The following JAM3 variants were observed in gnomAD, a reference collection of about 807,000 sequenced individuals.
The protein encoded by JAM3 is junctional adhesion molecule C.
JAM3 carries 31 observed loss-of-function variants against 39.4 expected under a neutral mutation model. The ratio of observed to expected loss-of-function variants is 0.79; its 90% CI spans 0.59 to 1.06. JAM3 has a LOEUF of 1.06. Among genes scored for constraint, JAM3 ranks in the 50% least tolerant of loss-of-function variants. The pLI is 0.00. For synonymous variants in JAM3, 182 were observed against 148.7 expected (o/e 1.22, Z -1.63); for missense variants, 455 against 391.4 (o/e 1.16, Z -1.37).
chr11:134,084,182 A>G (rs1412008092), intron 1 of JAM3, among the ~76,000 whole-genome samples: 1 of 152,174 alleles, frequency 6.6e-6, no homozygotes, highest in African/African-American at 2.4e-5. Context: ...CCTCAAATGC[A>G]GGTCATGATC....
intron 3 of JAM3, among the ~76,000 whole-genome samples, chr11:134,141,747 T>C (rs866249419): frequency 9.9e-5 from 15 of 151,964 alleles, no homozygotes; most frequent in Admixed American, 6.5e-5. Flanking sequence ...TGCTGGGGCT[T>C]GGCTGTGCCA....
At chr11:134,084,528 G>A (rs1205156364) in intron 1 of JAM3, among the ~76,000 whole-genome samples, 2 of 152,222 alleles carry the variant, frequency 1.3e-5, no homozygotes, top group Non-Finnish European at 2.9e-5. Context: ...ATTAATTCAT[G>A]TGAAGTGCTT....
At chr11:134,139,952 C>T (rs1565503601) in intron 2 of JAM3, 36 bp downstream of exon 2, 2 of 1,466,894 alleles carry the variant, frequency 1.4e-6, no homozygotes, top group East Asian at 4.5e-5. Context: ...TAATGGGCAC[C>T]ATCTACTGGA....
chr11:134,134,097 TAAAA>T (rs373410203), intron 1 of JAM3, among the ~76,000 whole-genome samples: 1 of 151,224 alleles, frequency 6.6e-6, no homozygotes, highest in Non-Finnish European at 1.5e-5. Flanking sequence ...ACACTAGAGA[TAAAA>T]AAAACTAGCA....
At chr11:134,070,306 CTTAGA>C (rs1941467274) in intron 1 of JAM3, 2 of 429,736 alleles carry the variant, frequency 4.7e-6, no homozygotes, top group Admixed American at 5.6e-5. Context: ...TTTTTCGGTT[CTTAGA>C]TTATTTTATT....
intron 1 of JAM3, among the ~76,000 whole-genome samples, chr11:134,085,256 A>G (rs1416121692): frequency 6.6e-6 from 1 of 152,216 alleles, no homozygotes; most frequent in African/African-American, 2.4e-5. Context: ...AAAACTCTGC[A>G]TGATTTGCAA....
intron 3 of JAM3, 42 bp downstream of exon 3, chr11:134,140,812 T>C (rs1168767476): frequency 1.3e-6 from 2 of 1,582,216 alleles, no homozygotes; most frequent in South Asian, 2.3e-5. Flanking sequence ...CTTTCCTCTG[T>C]CCATAGACCT....
chr11:134,087,300 A>G (rs1941761761), intron 1 of JAM3, among the ~76,000 whole-genome samples: 1 of 152,156 alleles, frequency 6.6e-6, no homozygotes, highest in Non-Finnish European at 1.5e-5. Flanking sequence ...AAATCAACAA[A>G]TAAAGTATTT....
At chr11:134,125,019 C>G (rs369563213) in intron 1 of JAM3, among the ~76,000 whole-genome samples, 1 of 152,244 alleles carries the variant, frequency 6.6e-6, no homozygotes, top group East Asian at 1.9e-4. Context: ...GCGCGACACC[C>G]GCCCGGTGGC....
intron 1 of JAM3, among the ~76,000 whole-genome samples, chr11:134,080,747 G>T (rs1941652424): frequency 6.6e-6 from 1 of 152,218 alleles, no homozygotes; most frequent in South Asian, 2.1e-4. Flanking sequence ...GGTACCAGTA[G>T]AGTGGGGCGC....
intron 1 of JAM3, among the ~76,000 whole-genome samples, chr11:134,130,841 A>G (rs1194154897): frequency 6.6e-6 from 1 of 152,162 alleles, no homozygotes; most frequent in Non-Finnish European, 1.5e-5. Context: ...TGAAGGCCTA[A>G]TGCAAGGTGC....
intron 1 of JAM3, among the ~76,000 whole-genome samples, chr11:134,118,866 C>T (rs1455980133): frequency 1.3e-5 from 2 of 152,072 alleles, no homozygotes. Context: ...ACGGTCTTTC[C>T]AGGTTAGCCG....
At chr11:134,149,087 G>A (rs1215757153) in intron 8 of JAM3, 59 bp from the exon 9 acceptor site, 1 of 1,603,280 alleles carries the variant, frequency 6.2e-7, no homozygotes, top group South Asian at 1.1e-5. Context: ...CTTACTCCGT[G>A]TTTTTCCCTG....
intron 1 of JAM3, among the ~76,000 whole-genome samples, chr11:134,081,549 G>A (rs1342882731): frequency 1.3e-5 from 2 of 152,246 alleles, no homozygotes; most frequent in Non-Finnish European, 2.9e-5. Flanking sequence ...ACGTGGTGTT[G>A]AGCCTGCGAG....
Position 134,148,834 on chromosome 11 carries a change from AC to A in JAM3, c.897+18del. ...TGACGAGGAGGTAATCATTTAGTAAACCTGGAAACCTAGGTGTACCCAGCAG... is the reference window on the plus strand; with the variant it reads ...TGACGAGGAGGTAATCATTTAGTAAACTGGAAACCTAGGTGTACCCAGCAG... On this transcript the variant is annotated intron_variant, in intron 8 of 8. Transcript: ENST00000299106. 2.5e-6 allele frequency: 4 copies of A among 1,613,214 alleles called. No individual in the cohort carries two copies. The highest frequency in any genetic ancestry group is 3.4e-6 in the Non-Finnish European group (4 of 1,179,314).
At chr11:134,084,138 C>T (rs1211835098) in intron 1 of JAM3, among the ~76,000 whole-genome samples, 1 of 152,106 alleles carries the variant, frequency 6.6e-6, no homozygotes, top group African/African-American at 2.4e-5. Context: ...CTGAGCATTG[C>T]CATTTTTCTT....
intron 1 of JAM3, among the ~76,000 whole-genome samples, chr11:134,074,611 G>C (rs2120566180): frequency 6.6e-6 from 1 of 152,282 alleles, no homozygotes; most frequent in East Asian, 1.9e-4. Context: ...CTGGAAAACT[G>C]AGAGCTGCCG....
intron 1 of JAM3, among the ~76,000 whole-genome samples, chr11:134,133,782 C>A (rs1049030792): frequency 1.3e-5 from 2 of 152,170 alleles, no homozygotes; most frequent in South Asian, 2.1e-4. Flanking sequence ...CCTACACACA[C>A]ACCTTACCAC....
At chr11:134,079,828 C>T (rs1163244864) in intron 1 of JAM3, among the ~76,000 whole-genome samples, 1 of 152,102 alleles carries the variant, frequency 6.6e-6, no homozygotes, top group Non-Finnish European at 1.5e-5. Flanking sequence ...ATTATAATTG[C>T]ATTTGAAGGT....
Sources: allele counts gnomAD v4.1 joint callset (sites outside exome capture counted in the v4.1 genomes callset), GRCh38; gene constraint gnomAD v4.1.1; transcripts MANE v1.5; gene names NCBI Gene and HGNC (gene_info 2026-07-23, HGNC 2026-07-21).